Variants in FOXP2 observed in about 807,000 individuals in gnomAD.
The protein encoded by FOXP2 is forkhead box protein P2.
FOXP2 carries 12 observed loss-of-function variants against 115.8 expected under a neutral mutation model. The observed-to-expected ratio is 0.10, with a 90% confidence interval of 0.07 to 0.17. The LOEUF is 0.17. FOXP2 is among the 10% of genes least tolerant of loss of function. The pLI is 1.00. For synonymous variants in FOXP2, 328 were observed against 297.7 expected, an observed-to-expected ratio of 1.10 and a Z score of -1.05; for missense variants, 629 against 843.5, an observed-to-expected ratio of 0.75 and a Z score of 3.15.
intron 1 of FOXP2, among the ~76,000 whole-genome samples, chr7:114,125,994 A>C (rs746061903): frequency 1.8e-4 from 27 of 152,160 alleles, no homozygotes; most frequent in Non-Finnish European, 3.5e-4. Context: ...TTCATTTAAG[A>C]ACCTACTGCA....
chr7:114,267,027 A>C (rs1562844957), intron 1 of FOXP2, among the ~76,000 whole-genome samples: 1 of 152,232 alleles, frequency 6.6e-6, no homozygotes, highest in Non-Finnish European at 1.5e-5. Flanking sequence ...AGGGAAAAAA[A>C]CAAATGAGCA....
chr7:114,130,313 A>G (rs1165452530), intron 1 of FOXP2, among the ~76,000 whole-genome samples: 1 of 152,202 alleles, frequency 6.6e-6, no homozygotes, highest in Non-Finnish European at 1.5e-5. Context: ...ACCAAAAAGG[A>G]AAATAAAAAT....
intron 2 of FOXP2, among the ~76,000 whole-genome samples, chr7:114,367,868 A>G (rs1791917840): frequency 6.6e-6 from 1 of 152,184 alleles, no homozygotes; most frequent in African/African-American, 2.4e-5. Flanking sequence ...CCATTTTTAT[A>G]AATACACGTG....
At chr7:114,316,404 T>C (rs1355818129) in intron 2 of FOXP2, among the ~76,000 whole-genome samples, 1 of 152,230 alleles carries the variant, frequency 6.6e-6, no homozygotes, top group East Asian at 1.9e-4. Context: ...GGCACTGTTG[T>C]CAGCACTACA....
At chr7:114,475,879 CT>C (rs757396320) in intron 2 of FOXP2, among the ~76,000 whole-genome samples, 1 of 151,904 alleles carries the variant, frequency 6.6e-6, no homozygotes, top group Non-Finnish European at 1.5e-5. Flanking sequence ...AGTAAGCATA[CT>C]TTTCCTTAAT....
chr7:114,150,102 ATTTAG>A (rs1792492226), intron 1 of FOXP2, among the ~76,000 whole-genome samples: 1 of 152,066 alleles, frequency 6.6e-6, no homozygotes, highest in Non-Finnish European at 1.5e-5. Flanking sequence ...GATAAGCTTT[ATTTAG>A]TCAATTTGGC....
intron 1 of FOXP2, among the ~76,000 whole-genome samples, chr7:114,219,581 T>A (rs939144429): frequency 2.0e-5 from 3 of 152,234 alleles, no homozygotes; most frequent in Non-Finnish European, 2.9e-5. Flanking sequence ...CACTTTATTT[T>A]GTGAATATAG....
At position 114,692,346 on chromosome 7, in the gene FOXP2, C is replaced by T. The variant is rs1017133667; in HGVS notation, c.*2420C>T. The T allele has an allele frequency of 1.5e-5, 7 of 453,836 alleles. No homozygotes were observed. The highest frequency in any genetic ancestry group is 1.4e-4 in the Admixed American group (6 of 42,538). 28.1% of individuals were successfully genotyped at this position (453,836 alleles called of 1,614,324 possible). A position where few individuals can be genotyped will look rare whatever the true frequency, so the allele number is the denominator to read the frequency against. ...GTTTTGCATGGGTTTTATATGAATACAATTTTAAAAAATAGCTGCTTGCAC... is the reference window on the plus strand; with the variant it reads ...GTTTTGCATGGGTTTTATATGAATATAATTTTAAAAAATAGCTGCTTGCAC... On this transcript the variant is annotated 3_prime_UTR_variant, in exon 17 of 17. Coordinates refer to ENST00000350908, the MANE Select transcript of FOXP2 (RefSeq NM_014491.4).
At chr7:114,383,888 CA>C (rs1792374196) in intron 2 of FOXP2, among the ~76,000 whole-genome samples, 1 of 152,160 alleles carries the variant, frequency 6.6e-6, no homozygotes, top group South Asian at 2.1e-4. Flanking sequence ...TATTCTTTTC[CA>C]GGGTGCGTAA....
chr7:114,190,600 A>G (rs1459220914), intron 1 of FOXP2, among the ~76,000 whole-genome samples: 6 of 152,144 alleles, frequency 3.9e-5, no homozygotes, highest in Non-Finnish European at 7.4e-5. Context: ...CCAATTCCTC[A>G]TAATTGTTGT....
chr7:114,197,329 G>GT (rs1308460668), intron 1 of FOXP2, among the ~76,000 whole-genome samples: 3 of 152,200 alleles, frequency 2.0e-5, no homozygotes, highest in Non-Finnish European at 2.9e-5. Context: ...TTTTCTCACA[G>GT]TTCTACGGGC....
intron 2 of FOXP2, among the ~76,000 whole-genome samples, chr7:114,379,770 A>G (rs1792235441): frequency 6.6e-6 from 1 of 152,202 alleles, no homozygotes; most frequent in Non-Finnish European, 1.5e-5. Flanking sequence ...GGCCCTGACT[A>G]TCTGCTTGAT....
At chr7:114,143,139 C>A (rs993156522) in intron 1 of FOXP2, among the ~76,000 whole-genome samples, 6 of 140,412 alleles carry the variant, frequency 4.3e-5, no homozygotes, top group African/African-American at 1.6e-4. Context: ...CAGAGCAAGA[C>A]CCTGTCTCAA....
At chr7:114,485,039 T>C (rs1476146562) in intron 2 of FOXP2, among the ~76,000 whole-genome samples, 2 of 151,918 alleles carry the variant, frequency 1.3e-5, no homozygotes, top group African/African-American at 4.8e-5. Context: ...AATTTATGCA[T>C]AGCTGAGAAT....
intron 6 of FOXP2, among the ~76,000 whole-genome samples, chr7:114,637,239 C>T (rs1273912342): frequency 6.6e-6 from 1 of 152,176 alleles, no homozygotes; most frequent in Non-Finnish European, 1.5e-5. Flanking sequence ...TTCATTTACT[C>T]AGCTCCTGTG....
chr7:114,595,905 TAA>T (rs1802672328), intron 3 of FOXP2, among the ~76,000 whole-genome samples: 2 of 152,064 alleles, frequency 1.3e-5, no homozygotes, highest in African/African-American at 4.8e-5. Flanking sequence ...GAGTTTACCA[TAA>T]GAGTTGGGAA....
chr7:114,486,322 C>T (rs1005302049), intron 2 of FOXP2, among the ~76,000 whole-genome samples: 4 of 152,042 alleles, frequency 2.6e-5, no homozygotes, highest in African/African-American at 9.7e-5. Context: ...TCTCATGAGA[C>T]TTATTCACTA....
chr7:114,438,064 A>G (rs1562926826), intron 2 of FOXP2, among the ~76,000 whole-genome samples: 1 of 152,192 alleles, frequency 6.6e-6, no homozygotes, highest in African/African-American at 2.4e-5. Flanking sequence ...ATTTGAAACC[A>G]TTTCACCTGT....
At chr7:114,377,004 C>T (rs955064777) in intron 2 of FOXP2, among the ~76,000 whole-genome samples, 2 of 152,096 alleles carry the variant, frequency 1.3e-5, no homozygotes, top group Non-Finnish European at 2.9e-5. Flanking sequence ...TGAGGATTAA[C>T]TGATAAAGTG....
Sources: allele counts gnomAD v4.1 joint callset (sites outside exome capture counted in the v4.1 genomes callset), GRCh38; gene constraint gnomAD v4.1.1; transcripts MANE v1.5; gene names NCBI Gene and HGNC (gene_info 2026-07-23, HGNC 2026-07-21).